The following XIRP1 variants were observed in gnomAD, a reference collection of about 807,000 sequenced individuals.
XIRP1 encodes the protein xin actin-binding repeat-containing protein 1.
For synonymous variants in XIRP1, 984 were observed against 947.0 expected, an observed-to-expected ratio of 1.04 and a Z score of -0.72; for missense variants, 2,378 against 2,345.4, an observed-to-expected ratio of 1.01 and a Z score of -0.29.
Position 39,184,798 on chromosome 3 carries a change from T to C in XIRP1, c.4648A>G (p.Ile1550Val), listed in dbSNP as rs989559035. ...AGTGCCTTGTGCACAGCCTCTTCAA[T>C]GTCCAGCAGCCTTGCCAAGGTCTGT... ...KEQTLARLLDIEEAVHKALSS... is the reference protein window; with the variant it reads ...KEQTLARLLDVEEAVHKALSS... The change falls in exon 2 of 2, where the codon ATT becomes GTT. Residue 1550 changes from isoleucine (I) to valine (V), a missense_variant. By Grantham distance (29) the Ile-to-Val change is conservative (BLOSUM62 3). Coordinates refer to ENST00000340369, the MANE Select transcript of XIRP1 (RefSeq NM_194293.4). The C allele has an allele frequency of 6.2e-7, 1 of 1,614,218 alleles. No homozygotes were observed. Among genetic ancestry groups the C allele is most frequent in the Admixed American group, 1.7e-5 (1 of 60,028 alleles).
At chr3:39,191,250 A>G (rs1030667117) in intron 1 of XIRP1, among the ~76,000 whole-genome samples, 7 of 152,096 alleles carry the variant, frequency 4.6e-5, no homozygotes, top group East Asian at 3.9e-4. Flanking sequence ...CTGAGCTCCA[A>G]TGAGGATCCC....
chr3:39,186,977 C>T lies in XIRP1; in HGVS notation c.2469G>A (p.Val823=). Residue 823 remains valine, a synonymous_variant, in exon 2 of 2, where the codon GTG becomes GTA. Transcript: ENST00000340369. The part of the protein sequence containing the change: ...GHPYIRKEEL[V]SGELPRIICQ... ...AGATGATCCTGGGAAGTTCACCTGA[C>T]ACCAGCTCCTCCTTTCGTATATAAG... The T allele has an allele frequency of 6.2e-7, 1 of 1,605,920 alleles. No homozygotes were observed. The highest frequency in any genetic ancestry group is 8.5e-7 in the Non-Finnish European group (1 of 1,173,168).
chr3:39,187,307 G>A lies in XIRP1; in HGVS notation c.2139C>T (p.Pro713=), dbSNP rs769192303. The stretch of plus-strand genomic sequence containing the variant: ...CGGGGATGGACCCAGCGATTACCCG[G>A]GGCTCCTGTTCTTCCTTCTTGCCTG... ...LEAGKKEEQE[P]RVIAGSIPAG... Residue 713 remains proline (P), a synonymous_variant, in exon 2 of 2, where the codon CCC becomes CCT. Coordinates refer to ENST00000340369, the MANE Select transcript of XIRP1 (RefSeq NM_194293.4). 4 of 1,591,910 alleles carry A rather than the reference G, an allele frequency of 2.5e-6. No homozygotes were observed. In the Admixed American group the frequency reaches 5.3e-5, roughly 21 times the overall value.
At position 39,189,374 on chromosome 3, in the gene XIRP1, G is replaced by A. The variant is rs2040053940; in HGVS notation, c.72C>T (p.Leu24=). 2 of 1,610,398 alleles carry A rather than the reference G, an allele frequency of 1.2e-6. No homozygotes were observed. Among genetic ancestry groups the A allele is most frequent in the African/African-American group, 1.3e-5 (1 of 74,952 alleles). ...GGTCCTCCAGGGCTGGGGGTGGAGG[G>A]AGGGGCAGGTCCTCTGCAGTTGCCA... ...MRMATAEDLP[L]PPPPALEDLP... is the part of the protein sequence containing the mutation. Residue 24 remains leucine (L), a synonymous_variant, in exon 2 of 2, where the codon CTC becomes CTT. Coordinates refer to ENST00000340369, the MANE Select transcript of XIRP1 (RefSeq NM_194293.4).
Position 39,186,276 on chromosome 3 carries a change from C to T in XIRP1, c.3170G>A (p.Ser1057Asn), listed in dbSNP as rs750091469. Residue 1057 changes from serine to asparagine, a missense_variant, in exon 2 of 2, where the codon AGT becomes AAT. Transcript: ENST00000340369. ...GGCTTCAGCTGTTGCCATCCGCAGA[C>T]TCTGCATGGCGGCCAGGAGGTCTGG... ...GAPDLLAAMQ[S>N]LRMATAEAQS... 6.2e-7 allele frequency: 1 copy of T among 1,613,948 alleles called. No individual in the cohort carries two copies. Among genetic ancestry groups the T allele is most frequent in the Admixed American group, 1.7e-5 (1 of 59,976 alleles).
Position 39,188,365 on chromosome 3 carries a change from C to A in XIRP1, c.1081G>T (p.Glu361Ter). The change falls in exon 2 of 2, where the codon GAA becomes TAA. Residue 361 changes from glutamate to a stop codon, truncating the protein, a stop_gained. Coordinates refer to ENST00000340369, the MANE Select transcript of XIRP1 (RefSeq NM_194293.4). LOFTEE classifies it low-confidence loss of function (END_TRUNC). Reference sequence around the variant, plus strand: ...GGTGGGGCCTCTGCTCCAGCCTCTTCGTCCCCCTTCAGAGTGTCCAGCGCT... The same window carrying A: ...GGTGGGGCCTCTGCTCCAGCCTCTTAGTCCCCCTTCAGAGTGTCCAGCGCT... ...TRALDTLKGD[E>*]EAGAEAPPKE... 1 of 1,614,108 alleles carries A rather than the reference C, an allele frequency of 6.2e-7. No homozygotes were observed. The highest frequency in any genetic ancestry group is 8.5e-7 in the Non-Finnish European group (1 of 1,179,990).
chr3:39,186,152 A>G lies in XIRP1; in HGVS notation c.3294T>C (p.Ala1098=), dbSNP rs775459545. Residue 1098 remains alanine, a synonymous_variant, in exon 2 of 2, where the codon GCT becomes GCC. Transcript: ENST00000340369. ...CCCCAGGCCTTATGTTGCTTTGGGT[A>G]GCCCCAGCTTTCCGAAGACCGTCCT... is the stretch of plus-strand genomic sequence containing the variant. ...PIQDGLRKAG[A]TQSNIRPGGG... is the part of the protein sequence containing the mutation. 2 of 1,613,604 alleles carry G rather than the reference A, an allele frequency of 1.2e-6. No individual in the cohort carries two copies. The highest frequency in any genetic ancestry group is 1.1e-5 in the South Asian group (1 of 91,020).
chr3:39,186,597 G>T lies in XIRP1; in HGVS notation c.2849C>A (p.Ala950Asp), dbSNP rs766586218. 1 of 1,610,124 alleles carries T rather than the reference G, an allele frequency of 6.2e-7. No individual in the cohort carries two copies. The highest frequency in any genetic ancestry group is 1.1e-5 in the South Asian group (1 of 90,926). The change falls in exon 2 of 2, where the codon GCT (alanine) becomes GAT (aspartate). Residue 950 changes from alanine (A) to aspartate (D), a missense_variant. Ala to Asp is a moderately radical substitution (Grantham distance 126). Coordinates refer to ENST00000340369, the MANE Select transcript of XIRP1 (RefSeq NM_194293.4). ...GLHSLRWEPP[A>D]DPSPVPASEG... Reference sequence around the variant, plus strand: ...GCTGGCTGGCACTGGACTCGGGTCAGCCGGGGGCTCCCACCGCAGACTGTG... The same window carrying T: ...GCTGGCTGGCACTGGACTCGGGTCATCCGGGGGCTCCCACCGCAGACTGTG...
In XIRP1 at chr3:39,188,063, A is replaced by G. The variant is rs1559751859; in HGVS notation, c.1383T>C (p.His461=). The G allele has an allele frequency of 1.2e-6, 2 of 1,614,096 alleles. No individual in the cohort carries two copies. Among genetic ancestry groups the G allele is most frequent in the Admixed American group, 1.7e-5 (1 of 60,026 alleles). The part of the protein sequence containing the change: ...DSIGQGEVLA[H]GSPSREEGTD... ...TTCCTTCTTCTCTGCTTGGACTCCC[A>G]TGGGCCAGAACCTCACCCTGTCCAA... Residue 461 remains histidine (H), a synonymous_variant, in exon 2 of 2, where the codon CAT becomes CAC. Transcript: ENST00000340369.
In XIRP1 at chr3:39,185,979, C is replaced by T. The variant is rs761998446; in HGVS notation, c.3467G>A (p.Gly1156Asp). The T allele has an allele frequency of 1.2e-6, 2 of 1,613,980 alleles. No homozygotes were observed. The highest frequency in any genetic ancestry group is 1.7e-6 in the Non-Finnish European group (2 of 1,180,000). The change falls in exon 2 of 2, where the codon GGT becomes GAT. Residue 1156 changes from glycine to aspartate, a missense_variant. By Grantham distance (94) the Gly-to-Asp change is moderately conservative. Coordinates refer to ENST00000340369, the MANE Select transcript of XIRP1 (RefSeq NM_194293.4). ...GGGTTCCCTCTGAGAAAGCTGGACA[C>T]CCCCAGGTGGGTCAAAGGTCCTCAC... ...HPVRTFDPPG[G>D]VQLSQREPQS...
At position 39,186,226 on chromosome 3, in the gene XIRP1, T is replaced by G; in HGVS notation, c.3220A>C (p.Asn1074His). 1.2e-6 allele frequency: 2 copies of G among 1,613,890 alleles called. No individual in the cohort carries two copies. Among genetic ancestry groups the G allele is most frequent in the Non-Finnish European group, 1.7e-6 (2 of 1,179,942 alleles). The change falls in exon 2 of 2, where the codon AAC becomes CAC. Residue 1074 changes from asparagine (N) to histidine (H), a missense_variant. By Grantham distance (68) the Asn-to-His change is moderately conservative (BLOSUM62 1). Coordinates refer to ENST00000340369, the MANE Select transcript of XIRP1 (RefSeq NM_194293.4). ...EAQSLHQQVL[N>H]KHKQGPTPTA... Reference sequence around the variant, plus strand: ...GGGGTGGGGCCCTGCTTGTGCTTGTTCAGAACTTGCTGGTGCAGGCTCTGG... The same window carrying G: ...GGGGTGGGGCCCTGCTTGTGCTTGTGCAGAACTTGCTGGTGCAGGCTCTGG...
At position 39,185,951 on chromosome 3, in the gene XIRP1, C is replaced by A. The variant is rs1418819745; in HGVS notation, c.3495G>T (p.Gln1165His). Residue 1165 changes from glutamine to histidine, a missense_variant, in exon 2 of 2, where the codon CAG becomes CAT. By Grantham distance (24) the Gln-to-His change is conservative. Transcript: ENST00000340369. Reference protein sequence around the residue: ...GGVQLSQREPQSRHRETALSV... With the variant: ...GGVQLSQREPHSRHRETALSV... ...AGAGGGCAGTCTCCCTGTGCCTTGA[C>A]TGGGGTTCCCTCTGAGAAAGCTGGA... 2 of 1,613,958 alleles carry A rather than the reference C, an allele frequency of 1.2e-6. No homozygotes were observed. Among genetic ancestry groups the A allele is most frequent in the Non-Finnish European group, 1.7e-6 (2 of 1,179,976 alleles).
chr3:39,185,579 G>T lies in XIRP1; in HGVS notation c.3867C>A (p.Asp1289Glu). Reference protein sequence around the residue: ...SIQQASEPLKDPLLHSHSSPA... With the variant: ...SIQQASEPLKEPLLHSHSSPA... ...GGCTGCTGTGGGAGTGAAGAAGGGG[G>T]TCCTTCAGGGGCTCAGAGGCTTGCT... Residue 1289 changes from aspartate to glutamate, a missense_variant, in exon 2 of 2, where the codon GAC (aspartate) becomes GAA (glutamate). Physicochemically the swap from Asp to Glu is conservative, Grantham distance 45 (BLOSUM62 2). Coordinates refer to ENST00000340369, the MANE Select transcript of XIRP1 (RefSeq NM_194293.4). 1 of 1,588,706 alleles carries T rather than the reference G, an allele frequency of 6.3e-7. No individual in the cohort carries two copies.
chr3:39,184,739 A>G lies in XIRP1; in HGVS notation c.4707T>C (p.Ser1569=). The G allele has an allele frequency of 6.2e-7, 1 of 1,614,240 alleles. No individual in the cohort carries two copies. The highest frequency in any genetic ancestry group is 8.5e-7 in the Non-Finnish European group (1 of 1,180,032). The change falls in exon 2 of 2, where the codon AGT becomes AGC. Residue 1569 remains serine, a synonymous_variant. Transcript: ENST00000340369. The part of the protein sequence containing the change: ...SSMSSLQPEA[S]ARGHFQGPPK... ...GAGGTCCCTGGAAATGGCCTCTGGC[A>G]CTGGCCTCAGGCTGGAGGCTAGACA...
chr3:39,189,309 T>A lies in XIRP1; in HGVS notation c.137A>T (p.His46Leu). 1 of 1,610,610 alleles carries A rather than the reference T, an allele frequency of 6.2e-7. No homozygotes were observed. The highest frequency in any genetic ancestry group is 2.2e-5 in the East Asian group (1 of 44,726). ...GAGCTCACTAGCTTGCCGCTGCTGATGGAACTTGGAGAAGGATTCCTTGGG... is the reference window on the plus strand; with the variant it reads ...GAGCTCACTAGCTTGCCGCTGCTGAAGGAACTTGGAGAAGGATTCCTTGGG... Reference protein sequence around the residue: ...PPPKESFSKFHQQRQASELRR... With the variant: ...PPPKESFSKFLQQRQASELRR... The change falls in exon 2 of 2, where the codon CAT becomes CTT. Residue 46 changes from histidine (H) to leucine (L), a missense_variant. By Grantham distance (99) the His-to-Leu change is moderately conservative. Coordinates refer to ENST00000340369, the MANE Select transcript of XIRP1 (RefSeq NM_194293.4).
Position 39,185,865 on chromosome 3 carries a change from T to G in XIRP1, c.3581A>C (p.Glu1194Ala). ...CATCTGTGTGCAGCCCCCAGGCTCC[T>G]CCCGCCCTGGCCCAGTACTCTGACC... is the stretch of plus-strand genomic sequence containing the variant. ...GPGQSTGPGR[E>A]EPGGCTQMAW... is the part of the protein sequence containing the mutation. The change falls in exon 2 of 2, where the codon GAG (glutamate) becomes GCG (alanine). Residue 1194 changes from glutamate (E) to alanine (A), a missense_variant. Physicochemically the swap from Glu to Ala is moderately radical, Grantham distance 107. Transcript: ENST00000340369. 1 of 1,613,356 alleles carries G rather than the reference T, an allele frequency of 6.2e-7. No individual in the cohort carries two copies. Among genetic ancestry groups the G allele is most frequent in the Non-Finnish European group, 8.5e-7 (1 of 1,179,738 alleles).
rs1230353838 is a variant in XIRP1 at position 39,192,543 on chromosome 3, G to C, written c.-178C>G. 6.6e-6 allele frequency: 1 copy of C among 152,002 alleles called. No homozygotes were observed. The highest frequency in any genetic ancestry group is 1.5e-5 in the Non-Finnish European group (1 of 68,154). 9.4% of individuals were successfully genotyped at this position (152,002 alleles called of 1,614,324 possible). A position where few individuals can be genotyped will look rare whatever the true frequency, so the allele number is the denominator to read the frequency against. On this transcript the variant is annotated 5_prime_UTR_variant, in exon 1 of 2. Coordinates refer to ENST00000340369, the MANE Select transcript of XIRP1 (RefSeq NM_194293.4). ...GGAGGTTCTTGTTCAAATTGGTTCT[G>C]TTCTGCTGGCTCCAACAGACACCTT...
At position 39,187,413 on chromosome 3, in the gene XIRP1, C is replaced by T. The variant is rs143151548; in HGVS notation, c.2033G>A (p.Arg678Gln). 1.2e-5 allele frequency: 20 copies of T among 1,614,090 alleles called. No homozygotes were observed. The highest frequency in any genetic ancestry group is 1.6e-5 in the Non-Finnish European group (19 of 1,180,064). The change falls in exon 2 of 2, where the codon CGG becomes CAG. Residue 678 changes from arginine (R) to glutamine (Q), a missense_variant. Arg to Gln is a conservative substitution (Grantham distance 43). Coordinates refer to ENST00000340369, the MANE Select transcript of XIRP1 (RefSeq NM_194293.4). Reference sequence around the variant, plus strand: ...CACGCGGCTGCAGTATCTCACAGGCCGTCTTCCACAGGGACGGCCTGAGGC... The same window carrying T: ...CACGCGGCTGCAGTATCTCACAGGCTGTCTTCCACAGGGACGGCCTGAGGC... ...LQASGRPCGRRPVRYCSRVEI... is the reference protein window; with the variant it reads ...LQASGRPCGRQPVRYCSRVEI...
chr3:39,186,642 T>G lies in XIRP1; in HGVS notation c.2804A>C (p.Lys935Thr). Reference protein sequence around the residue: ...SVQLLASCIDKGDLSGLHSLR... With the variant: ...SVQLLASCIDTGDLSGLHSLR... ...ACTGTGCAGGCCACTCAGGTCTCCT[T>G]TATCTATGCAGCTGGCCAACAGCTG... is the stretch of plus-strand genomic sequence containing the variant. Residue 935 changes from lysine to threonine, a missense_variant, in exon 2 of 2, where the codon AAA becomes ACA. Physicochemically the swap from Lys to Thr is moderately conservative, Grantham distance 78 (BLOSUM62 -1). Coordinates refer to ENST00000340369, the MANE Select transcript of XIRP1 (RefSeq NM_194293.4). 6.2e-7 allele frequency: 1 copy of G among 1,612,792 alleles called. No individual in the cohort carries two copies. Among genetic ancestry groups the G allele is most frequent in the Non-Finnish European group, 8.5e-7 (1 of 1,179,338 alleles).
Sources: allele counts gnomAD v4.1 joint callset (sites outside exome capture counted in the v4.1 genomes callset), GRCh38; gene constraint gnomAD v4.1.1; transcripts MANE v1.5; gene names NCBI Gene and HGNC (gene_info 2026-07-23, HGNC 2026-07-21).